ENAM: variants seen among roughly 807,000 people sequenced by gnomAD.
The protein encoded by ENAM is amelogenesis imperfecta 2, hypocalcification (autosomal dominant).
A neutral mutation model predicts 33.6 loss-of-function variants in ENAM; 21 were observed. That is an observed-to-expected ratio of 0.63 (90% CI 0.44 to 0.90). The LOEUF is 0.90. Ranked by LOEUF, ENAM falls within the 40% of genes least tolerant of loss-of-function variation. The pLI, the probability that ENAM is intolerant of heterozygous loss-of-function variation, is 0.00. For missense variants in ENAM, 1,388 were observed against 1,366.9 expected (o/e 1.02, Z -0.24); for synonymous variants, 473 against 468.4 (o/e 1.01, Z -0.13).
chr4:70,640,468 C>A (rs1342314702), intron 8 of ENAM, among the ~76,000 whole-genome samples: 4 of 152,098 alleles, frequency 2.6e-5, no homozygotes, highest in Non-Finnish European at 5.9e-5. Context: ...GAATAGAGAA[C>A]CCAGAGAATT....
chr4:70,636,564 T>C (rs970417156), intron 7 of ENAM, among the ~76,000 whole-genome samples: 1 of 151,522 alleles, frequency 6.6e-6, no homozygotes, highest in Non-Finnish European at 1.5e-5. Context: ...AGGTCAGGAG[T>C]TCGAGACCAG....
chr4:70,629,601 TAG>T, intron 2 of ENAM, 47 bp downstream of exon 2: 1 of 1,341,200 alleles, frequency 7.5e-7, no homozygotes, highest in Non-Finnish European at 1.1e-6. Context: ...GTTCTCAAAC[TAG>T]ATACTGTCAG....
At position 70,642,813 on chromosome 4, in the gene ENAM, C is replaced by T. The variant is rs1004615031; in HGVS notation, c.1387C>T (p.Gln463Ter). 1 of 1,613,994 alleles carries T rather than the reference C, an allele frequency of 6.2e-7. No individual in the cohort carries two copies. Among genetic ancestry groups the T allele is most frequent in the Non-Finnish European group, 8.5e-7 (1 of 1,179,936 alleles). ...NPTSPWRNSQQYEVNKSNYKL... is the reference protein window; with the variant it reads ...NPTSPWRNSQ ...AACCAGCCCCTGGAGAAACTCTCAACAGTATGAAGTTAATAAATCAAATTA... is the reference window on the plus strand; with the variant it reads ...AACCAGCCCCTGGAGAAACTCTCAATAGTATGAAGTTAATAAATCAAATTA... Residue 463 changes from glutamine (Q) to a stop codon, truncating the protein, a stop_gained, in exon 9 of 9, where the codon CAG (glutamine) becomes TAG (stop). Transcript: ENST00000396073. LOFTEE classifies it low-confidence loss of function (END_TRUNC).
At chr4:70,629,665 G>A (rs543158403) in intron 2 of ENAM, 111 bp downstream of exon 2, 19 of 851,270 alleles carry the variant, frequency 2.2e-5, no homozygotes, top group Non-Finnish European at 3.7e-5. Flanking sequence ...AAGACTCAAA[G>A]AGCATCTGCT....
At chr4:70,631,452 C>T (rs1475033184) in intron 2 of ENAM, among the ~76,000 whole-genome samples, 1 of 152,076 alleles carries the variant, frequency 6.6e-6, no homozygotes, top group Admixed American at 6.6e-5. Flanking sequence ...CGCACACACA[C>T]TTATATTTCC....
At chr4:70,630,427 C>T (rs138147434) in intron 2 of ENAM, among the ~76,000 whole-genome samples, 3,391 of 152,166 alleles carry the variant, frequency 0.022, 125 homozygotes, top group African/African-American at 0.076. Flanking sequence ...ATCTGATATA[C>T]GATGAAAATG....
At chr4:70,641,402 T>C (rs1185792766) in intron 8 of ENAM, among the ~76,000 whole-genome samples, 2 of 150,502 alleles carry the variant, frequency 1.3e-5, no homozygotes, top group East Asian at 1.9e-4. Flanking sequence ...TATTTATTTT[T>C]TTTTTTGAGA....
In ENAM at chr4:70,642,350, A is replaced by G. The variant is rs150484714; in HGVS notation, c.924A>G (p.Pro308=). 3.0e-4 allele frequency: 485 copies of G among 1,614,106 alleles called. No individual in the cohort carries two copies. Among genetic ancestry groups the G allele is most frequent in the Non-Finnish European group, 3.9e-4 (462 of 1,180,030 alleles). The change falls in exon 9 of 9, where the codon CCA becomes CCG. Residue 308 remains proline, a synonymous_variant. Transcript: ENST00000396073. Reference sequence around the variant, plus strand: ...AGGGAGGGCCAGGAAGTCAAATCCCATGGAGACCAAGTCAGCCAAATATTC... The same window carrying G: ...AGGGAGGGCCAGGAAGTCAAATCCCGTGGAGACCAAGTCAGCCAAATATTC... ...SGQGGPGSQI[P]WRPSQPNIRE... is the part of the protein sequence containing the mutation.
Position 70,644,414 on chromosome 4 carries a change from C to T in ENAM, c.2988C>T (p.Asn996=). Residue 996 remains asparagine, a synonymous_variant, in exon 9 of 9, where the codon AAC becomes AAT. Transcript: ENST00000396073. ...ATGATCTTGGAGGAGATGGGAACAA[C>T]ATTCTGGAACAAGTTTTTGAAGACA... is the stretch of plus-strand genomic sequence containing the variant. ...LKNDLGGDGN[N]ILEQVFEDNQ... 1 of 1,614,136 alleles carries T rather than the reference C, an allele frequency of 6.2e-7. No individual in the cohort carries two copies. The highest frequency in any genetic ancestry group is 8.5e-7 in the Non-Finnish European group (1 of 1,179,994).
At chr4:70,636,724 G>A (rs754746138) in intron 7 of ENAM, among the ~76,000 whole-genome samples, 3 of 151,516 alleles carry the variant, frequency 2.0e-5, no homozygotes, top group African/African-American at 4.9e-5. Context: ...AGCCGAGATC[G>A]TGCCATTGCA....
chr4:70,644,931 C>A lies in ENAM; in HGVS notation c.*76C>A. ...TACCAATGGTTCCCAAAATTTTTTC[C>A]CCAAGACTTAATTAAGTGTCTGACT... is the stretch of plus-strand genomic sequence containing the variant. On this transcript the variant is annotated 3_prime_UTR_variant, in exon 9 of 9. Coordinates refer to ENST00000396073, the MANE Select transcript of ENAM (RefSeq NM_031889.3). 2 of 1,268,574 alleles carry A rather than the reference C, an allele frequency of 1.6e-6. No homozygotes were observed. Among genetic ancestry groups the A allele is most frequent in the South Asian group, 1.2e-5 (1 of 81,606 alleles). 78.6% of individuals were successfully genotyped at this position (1,268,574 alleles called of 1,614,324 possible).
chr4:70,638,879 A>G (rs1436185286), intron 8 of ENAM, among the ~76,000 whole-genome samples: 3 of 146,290 alleles, frequency 2.1e-5, no homozygotes, highest in East Asian at 4.1e-4. Context: ...TGCAACCTCC[A>G]CCTTCTGGAT....
At chr4:70,631,407 T>A (rs1232245831) in intron 2 of ENAM, among the ~76,000 whole-genome samples, 1 of 152,042 alleles carries the variant, frequency 6.6e-6, no homozygotes, top group African/African-American at 2.4e-5. Context: ...TCTCTCTCTT[T>A]CCCTGTCTCT....
At position 70,643,134 on chromosome 4, in the gene ENAM, C is replaced by G. The variant is rs1560404665; in HGVS notation, c.1708C>G (p.Gln570Glu). 2 of 1,613,844 alleles carry G rather than the reference C, an allele frequency of 1.2e-6. No homozygotes were observed. The highest frequency in any genetic ancestry group is 2.7e-5 in the African/African-American group (2 of 74,872). The part of the protein sequence containing the change: ...FPAGRNTWDH[Q>E]EISPPFKEDP... ...TGCTGGAAGAAATACTTGGGACCAC[C>G]AAGAAATCTCTCCACCTTTTAAGGA... The change falls in exon 9 of 9, where the codon CAA becomes GAA. Residue 570 changes from glutamine (Q) to glutamate (E), a missense_variant. Coordinates refer to ENST00000396073, the MANE Select transcript of ENAM (RefSeq NM_031889.3).
rs756970018 is a variant in ENAM, at chr4:70,643,427, A to G, written c.2001A>G (p.Gly667=). 4 of 1,614,168 alleles carry G rather than the reference A, an allele frequency of 2.5e-6. No homozygotes were observed. Among genetic ancestry groups the G allele is most frequent in the Non-Finnish European group, 3.4e-6 (4 of 1,179,998 alleles). ...VDPTGDEVFP[G]QNRWGEELSF... is the part of the protein sequence containing the mutation. Reference sequence around the variant, plus strand: ...CAACTGGAGATGAAGTCTTTCCTGGACAAAATAGATGGGGTGAAGAGTTGA... The same window carrying G: ...CAACTGGAGATGAAGTCTTTCCTGGGCAAAATAGATGGGGTGAAGAGTTGA... The change falls in exon 9 of 9, where the codon GGA becomes GGG. Residue 667 remains glycine, a synonymous_variant. Transcript: ENST00000396073.
rs920214074 is a variant in ENAM at position 70,646,420 on chromosome 4, A to C, written c.*1565A>C. Reference sequence around the variant, plus strand: ...AATTTGGGGAAACACAACGTTGAAAACTTCCTAAGAAAAGGAATCTTGCCC... The same window carrying C: ...AATTTGGGGAAACACAACGTTGAAACCTTCCTAAGAAAAGGAATCTTGCCC... On this transcript the variant is annotated 3_prime_UTR_variant, in exon 9 of 9. Coordinates refer to ENST00000396073, the MANE Select transcript of ENAM (RefSeq NM_031889.3). The C allele has an allele frequency of 1.3e-5, 2 of 152,220 alleles. No homozygotes were observed. Among genetic ancestry groups the C allele is most frequent in the Non-Finnish European group, 2.9e-5 (2 of 68,042 alleles). 9.4% of individuals were successfully genotyped at this position (152,220 alleles called of 1,614,324 possible).
intron 8 of ENAM, among the ~76,000 whole-genome samples, chr4:70,640,963 G>A (rs1160760147): frequency 6.6e-6 from 1 of 152,184 alleles, no homozygotes; most frequent in African/African-American, 2.4e-5. Context: ...TTAAAGGAAA[G>A]TAAGACTGTA....
chr4:70,645,879 G>A lies in ENAM; in HGVS notation c.*1024G>A, dbSNP rs1738747684. The A allele has an allele frequency of 6.6e-6, 1 of 152,188 alleles. No individual in the cohort carries two copies. The highest frequency in any genetic ancestry group is 1.5e-5 in the Non-Finnish European group (1 of 68,052). 9.4% of individuals were successfully genotyped at this position (152,188 alleles called of 1,614,324 possible). A position where few individuals can be genotyped will look rare whatever the true frequency, so the allele number is the denominator to read the frequency against. ...AGGGAAGGCAGGATACCCAGAACTA[G>A]CAGCCTAGGGAAAAGGCTTAGGAAG... On this transcript the variant is annotated 3_prime_UTR_variant, in exon 9 of 9. Transcript: ENST00000396073.
chr4:70,645,003 C>T lies in ENAM; in HGVS notation c.*148C>T, dbSNP rs1402442088. On this transcript the variant is annotated 3_prime_UTR_variant, in exon 9 of 9. Transcript: ENST00000396073. ...TCTCCCCTCTCAGCAATAGGAGTAG[C>T]GACCCAGGTGGAGCTGAGATTAGGC... 7 of 698,734 alleles carry T rather than the reference C, an allele frequency of 1.0e-5. No homozygotes were observed. Among genetic ancestry groups the T allele is most frequent in the Admixed American group, 6.3e-5 (3 of 47,542 alleles). The allele number at this position is 698,734 out of a possible 1,614,324, so 43.3% of individuals were successfully genotyped here.
Sources: gnomAD v4.1 joint callset for allele counts (sites outside exome capture counted in the v4.1 genomes callset) on GRCh38, gnomAD v4.1.1 for gene constraint, MANE v1.5 for transcripts, NCBI Gene and HGNC (gene_info 2026-07-23, HGNC 2026-07-21) for gene names.